The following BEAN1 variants were observed in gnomAD, a reference collection of about 807,000 sequenced individuals.
The protein encoded by BEAN1 is protein BEAN1.
In BEAN1, 17 loss-of-function variants were observed where a neutral mutation model predicts 17.7. The ratio of observed to expected loss-of-function variants is 0.96; its 90% CI spans 0.66 to 1.44. BEAN1 has a LOEUF of 1.44. BEAN1 is among the 40% of genes most tolerant of loss of function. The probability of loss-of-function intolerance (pLI) is 0.00; values close to 1 mark genes in which losing one functional copy is unlikely to be tolerated. For synonymous variants in BEAN1, 142 were observed against 151.8 expected, an observed-to-expected ratio of 0.94 and a Z score of 0.47; for missense variants, 359 against 374.1, an observed-to-expected ratio of 0.96 and a Z score of 0.33.
Position 66,471,831 on chromosome 16 carries a change from G to A in BEAN1, c.289+1966G>A, listed in dbSNP as rs551817032. ...GCCAGAAGCACTCCCAGGCCAGGACGGGCCTGTCCCACCCCTGCATCACCA... is the reference window on the plus strand; with the variant it reads ...GCCAGAAGCACTCCCAGGCCAGGACAGGCCTGTCCCACCCCTGCATCACCA... On this transcript the variant is annotated intron_variant, in intron 3 of 4. Coordinates refer to ENST00000536005, the MANE Select transcript of BEAN1 (RefSeq NM_001178020.3). This position sits in a 1 kb window ranked among gnomAD's most constrained non-coding sequence, Gnocchi z 4.7. Among the ~76,000 whole-genome samples, 43 of 152,308 alleles carry A rather than the reference G, an allele frequency of 2.8e-4. No homozygotes were observed. The highest frequency in any genetic ancestry group is 9.6e-4 in the African/African-American group (40 of 41,580).
Position 66,480,703 on chromosome 16 carries a change from C to A in BEAN1, c.558C>A (p.Ser186Arg). ...PTLDGTSDSG[S>R]GHSPGRHQQE... ...TGGATGGCACCTCCGACTCAGGCAGCGGCCACAGCCCTGGCCGACACCAGC... is the reference window on the plus strand; with the variant it reads ...TGGATGGCACCTCCGACTCAGGCAGAGGCCACAGCCCTGGCCGACACCAGC... The change falls in exon 5 of 5, where the codon AGC (serine) becomes AGA (arginine). Residue 186 changes from serine to arginine, a missense_variant. By Grantham distance (110) the Ser-to-Arg change is moderately radical. Coordinates refer to ENST00000536005, the MANE Select transcript of BEAN1 (RefSeq NM_001178020.3). 1 of 1,551,636 alleles carries A rather than the reference C, an allele frequency of 6.4e-7. No individual in the cohort carries two copies. The highest frequency in any genetic ancestry group is 8.7e-7 in the Non-Finnish European group (1 of 1,146,956).
intron 4 of BEAN1, among the ~76,000 whole-genome samples, chr16:66,480,148 T>C (rs1376358873): frequency 7.9e-5 from 12 of 152,142 alleles, no homozygotes. Flanking sequence ...GCTCTGCATC[T>C]GTGGGTTCAG....
At position 66,471,689 on chromosome 16, in the gene BEAN1, C is replaced by T. The variant is rs1963489013; in HGVS notation, c.289+1824C>T. 6.6e-6 allele frequency among the ~76,000 whole-genome samples: 1 copy of T among 152,222 alleles called. No homozygotes were observed. The highest frequency in any genetic ancestry group is 1.5e-5 in the Non-Finnish European group (1 of 68,038). ...ACAGCAGGCTAGTGGACTGTTCTCA[C>T]TGTCCAACAATGAGGATCAAAGAGA... On this transcript the variant is annotated intron_variant, in intron 3 of 4. Transcript: ENST00000536005. This position sits in a 1 kb window ranked among gnomAD's most constrained non-coding sequence, Gnocchi z 4.7.
At chr16:66,450,481 C>T (rs929214476) in intron 2 of BEAN1, among the ~76,000 whole-genome samples, 1 of 152,070 alleles carries the variant, frequency 6.6e-6, no homozygotes, top group East Asian at 1.9e-4. Context: ...TTTGGGAGGC[C>T]GAAACGGGAG....
At chr16:66,468,549 G>A (rs1260939168) in intron 2 of BEAN1, among the ~76,000 whole-genome samples, 4 of 152,194 alleles carry the variant, frequency 2.6e-5, no homozygotes, top group African/African-American at 9.7e-5. Flanking sequence ...GCAAGCACTG[G>A]ACTTTGAAGC....
chr16:66,474,443 T>C (rs573138126), intron 3 of BEAN1, among the ~76,000 whole-genome samples: 1 of 150,144 alleles, frequency 6.7e-6, no homozygotes, highest in Non-Finnish European at 1.5e-5. Flanking sequence ...CAGGACAGAG[T>C]TGGCCCTCTG....
chr16:66,494,185 C>T (rs1964216389), downstream of BEAN1, among the ~76,000 whole-genome samples: 1 of 152,184 alleles, frequency 6.6e-6, no homozygotes, highest in African/African-American at 2.4e-5. Flanking sequence ...GAGGTGACTG[C>T]TGGGAGAGGT....
At chr16:66,457,637 T>C (rs1440435739) in intron 2 of BEAN1, among the ~76,000 whole-genome samples, 1 of 152,202 alleles carries the variant, frequency 6.6e-6, no homozygotes, top group African/African-American at 2.4e-5. Context: ...TTACTGATCC[T>C]GATATGCTTA....
chr16:66,434,421 C>G lies in BEAN1; in HGVS notation c.-82-3174C>G, dbSNP rs1004223252. Among the ~76,000 whole-genome samples the G allele has an allele frequency of 2.6e-5, 4 of 152,256 alleles. No homozygotes were observed. In the East Asian group the frequency reaches 7.7e-4, roughly 29 times the overall value. The stretch of plus-strand genomic sequence containing the variant: ...TACCCTAGCAGAGGGTCTGATGCCA[C>G]CAGGGAGTGGTTTTCTTCTGGGTCC... On this transcript the variant is annotated intron_variant, in intron 1 of 4. Coordinates refer to ENST00000536005, the MANE Select transcript of BEAN1 (RefSeq NM_001178020.3). This position sits in a 1 kb window ranked among gnomAD's most constrained non-coding sequence, Gnocchi z 4.3.
intron 1 of BEAN1, among the ~76,000 whole-genome samples, chr16:66,436,155 A>G (rs541528998): frequency 2.0e-5 from 3 of 152,298 alleles, no homozygotes; most frequent in African/African-American, 7.2e-5. Context: ...CACACTCCCT[A>G]GAAATAAAAA....
Position 66,481,058 on chromosome 16 carries a change from A to AAC in BEAN1, c.*133_*134insAC. On this transcript the variant is annotated 3_prime_UTR_variant, in exon 5 of 5. Coordinates refer to ENST00000536005, the MANE Select transcript of BEAN1 (RefSeq NM_001178020.3). The surrounding 1 kb of genome is among the most constrained non-coding windows in gnomAD (Gnocchi z 4.1). ...ACACATAGACCAAACTTGTATACAC[A>AAC]CAGACATCTACACTGACATACCCCA... 1 of 702,794 alleles carries AAC rather than the reference A, an allele frequency of 1.4e-6. No individual in the cohort carries two copies. The highest frequency in any genetic ancestry group is 2.3e-6 in the Non-Finnish European group (1 of 442,880). 43.5% of individuals were successfully genotyped at this position (702,794 alleles called of 1,614,324 possible). A position where few individuals can be genotyped will look rare whatever the true frequency, so the allele number is the denominator to read the frequency against.
intron 2 of BEAN1, among the ~76,000 whole-genome samples, chr16:66,457,107 T>C (rs1962898064): frequency 6.6e-6 from 1 of 152,194 alleles, no homozygotes; most frequent in Non-Finnish European, 1.5e-5. Context: ...TTTCCCCAGT[T>C]TGAGAGGTCC....
intron 2 of BEAN1, among the ~76,000 whole-genome samples, chr16:66,468,463 C>G (rs1046389156): frequency 1.3e-5 from 2 of 152,228 alleles, no homozygotes; most frequent in African/African-American, 4.8e-5. Flanking sequence ...TGGCTCCCTA[C>G]TGCTGTTCAG....
intron 2 of BEAN1, among the ~76,000 whole-genome samples, chr16:66,441,411 T>C (rs1330168445): frequency 2.0e-5 from 3 of 152,098 alleles, no homozygotes; most frequent in African/African-American, 7.2e-5. Flanking sequence ...AATTCCTCAT[T>C]CCAGATCTGG....
chr16:66,458,938 G>A (rs1031841518), intron 2 of BEAN1, among the ~76,000 whole-genome samples: 28 of 152,222 alleles, frequency 1.8e-4, no homozygotes, highest in African/African-American at 5.3e-4. Context: ...CCCAGGCACC[G>A]CTCCTGCCTC....
chr16:66,455,688 C>CTTT (rs35075494), intron 2 of BEAN1, among the ~76,000 whole-genome samples: 1 of 143,686 alleles, frequency 7.0e-6, no homozygotes, highest in African/African-American at 2.6e-5. Context: ...AATAAAGCTA[C>CTTT]TTTTTTTTTT....
intron 2 of BEAN1, among the ~76,000 whole-genome samples, chr16:66,461,935 C>T (rs1037808218): frequency 1.3e-5 from 2 of 152,080 alleles, no homozygotes; most frequent in Non-Finnish European, 2.9e-5. Context: ...CAGGGAGAAC[C>T]GGGATCATGC....
chr16:66,466,264 G>A lies in BEAN1; in HGVS notation c.26-3338G>A, dbSNP rs530604525. 6.6e-5 allele frequency among the ~76,000 whole-genome samples: 10 copies of A among 152,204 alleles called. No individual in the cohort carries two copies. The South Asian group carries it at 1.9e-3, about 28-fold the overall frequency. On this transcript the variant is annotated intron_variant, in intron 2 of 4. Coordinates refer to ENST00000536005, the MANE Select transcript of BEAN1 (RefSeq NM_001178020.3). ...TGCACTCCAGCCTGGGAGACAATGCGAGACTCTGTCTCAAAAAAAACAAAC... is the reference window on the plus strand; with the variant it reads ...TGCACTCCAGCCTGGGAGACAATGCAAGACTCTGTCTCAAAAAAAACAAAC...
At position 66,480,885 on chromosome 16, in the gene BEAN1, C is replaced by T; in HGVS notation, c.740C>T (p.Pro247Leu). ...AGGGGCTCCCAGGGCTCACCCACCCCAACCCGGGCCCCAGCCTCTGGCCCA... is the reference window on the plus strand; with the variant it reads ...AGGGGCTCCCAGGGCTCACCCACCCTAACCCGGGCCCCAGCCTCTGGCCCA... ...GPRGSQGSPTPTRAPASGPER... is the reference protein window; with the variant it reads ...GPRGSQGSPTLTRAPASGPER... Residue 247 changes from proline (P) to leucine (L), a missense_variant, in exon 5 of 5, where the codon CCA becomes CTA. By Grantham distance (98) the Pro-to-Leu change is moderately conservative. Transcript: ENST00000536005. 1 of 1,468,534 alleles carries T rather than the reference C, an allele frequency of 6.8e-7. No homozygotes were observed. 91.0% of individuals were successfully genotyped at this position (1,468,534 alleles called of 1,614,324 possible).
Sources: gnomAD v4.1 joint callset for allele counts (sites outside exome capture counted in the v4.1 genomes callset) on GRCh38, gnomAD v4.1.1 for gene constraint, Gnocchi (gnomAD v3.1) non-coding constraint, MANE v1.5 for transcripts, NCBI Gene and HGNC (gene_info 2026-07-23, HGNC 2026-07-21) for gene names.